Variants in NCOA1 observed in about 807,000 individuals in gnomAD.
NCOA1 encodes nuclear receptor coactivator 1, also known as Hin-2 protein.
A neutral mutation model predicts 150.9 loss-of-function variants in NCOA1; 35 were observed. The ratio of observed to expected loss-of-function variants is 0.23; its 90% CI spans 0.18 to 0.31. The LOEUF (loss-of-function observed/expected upper bound fraction) is 0.31, where lower values mean the gene tolerates loss of function less well. Ranked by LOEUF, NCOA1 falls within the 10% of genes least tolerant of loss-of-function variation. The probability of loss-of-function intolerance (pLI) is 1.00; values close to 1 mark genes in which losing one functional copy is unlikely to be tolerated. For synonymous variants in NCOA1, 590 were observed against 630.0 expected (o/e 0.94, Z 0.95); for missense variants, 1,491 against 1,749.3 (o/e 0.85, Z 2.63).
At chr2:24,602,613 TAAATA>T (rs1457713879) in intron 3 of NCOA1, among the ~76,000 whole-genome samples, 1 of 151,090 alleles carries the variant, frequency 6.6e-6, no homozygotes, top group African/African-American at 2.5e-5. Context: ...TTTTGGCTAA[TAAATA>T]AGTAAGGTTA....
At chr2:24,588,974 T>A (rs551469674) in intron 3 of NCOA1, among the ~76,000 whole-genome samples, 4 of 152,318 alleles carry the variant, frequency 2.6e-5, no homozygotes, top group East Asian at 1.9e-4. Flanking sequence ...AGTACCAGAC[T>A]TACTCCCATC....
At chr2:24,752,621 G>A (rs1259545367) in intron 20 of NCOA1, among the ~76,000 whole-genome samples, 1 of 152,086 alleles carries the variant, frequency 6.6e-6, no homozygotes, top group Non-Finnish European at 1.5e-5. Context: ...GCTTCCCTGG[G>A]ACAGACATAG....
intron 2 of NCOA1, among the ~76,000 whole-genome samples, chr2:24,568,641 G>T (rs939657221): frequency 7.9e-5 from 12 of 152,162 alleles, no homozygotes; most frequent in African/African-American, 2.7e-4. Context: ...TCATTCAGAG[G>T]TATCTTTTTC....
intron 1 of NCOA1, among the ~76,000 whole-genome samples, chr2:24,504,026 C>T (rs563834920): frequency 1.3e-5 from 2 of 152,082 alleles, no homozygotes; most frequent in South Asian, 2.1e-4. Context: ...TGAGCCACTG[C>T]GCCTGGCTAC....
At chr2:24,636,087 T>C (rs867308338) in intron 3 of NCOA1, among the ~76,000 whole-genome samples, 3 of 152,282 alleles carry the variant, frequency 2.0e-5, no homozygotes, top group Non-Finnish European at 1.5e-5. Flanking sequence ...ATTACAAATG[T>C]ATTGTTAAAA....
chr2:24,719,691 G>A (rs1197292060), intron 14 of NCOA1, among the ~76,000 whole-genome samples: 1 of 152,138 alleles, frequency 6.6e-6, no homozygotes, highest in Non-Finnish European at 1.5e-5. Context: ...GATCTGAAAG[G>A]AAGCCCAGGA....
chr2:24,727,364 CT>C (rs1265056747), intron 15 of NCOA1, among the ~76,000 whole-genome samples: 1 of 152,070 alleles, frequency 6.6e-6, no homozygotes, highest in Non-Finnish European at 1.5e-5. Context: ...TTATATTGCT[CT>C]TGAACTTTTA....
intron 3 of NCOA1, among the ~76,000 whole-genome samples, chr2:24,619,996 C>A (rs915420034): frequency 6.6e-6 from 1 of 152,104 alleles, no homozygotes; most frequent in Non-Finnish European, 1.5e-5. Flanking sequence ...CTCTTCCTGA[C>A]CTTCTCTCCC....
At chr2:24,526,732 A>G (rs1231490216) in intron 1 of NCOA1, among the ~76,000 whole-genome samples, 1 of 151,030 alleles carries the variant, frequency 6.6e-6, no homozygotes, top group Non-Finnish European at 1.5e-5. Context: ...AAAAATTAAT[A>G]AATTCTGTTG....
intron 7 of NCOA1, among the ~76,000 whole-genome samples, chr2:24,674,123 A>ATGTGTGTGTGTGTGTGTGTGTGTGTGTG (rs146841550): frequency 1.4e-5 from 2 of 145,500 alleles, no homozygotes; most frequent in Non-Finnish European, 1.5e-5. Flanking sequence ...ATATGTATGT[A>ATGTGTGTGTGTGTGTGTGTGTGTGTGTG]TGTGTGTGTG....
rs1267271343 is a variant in NCOA1 at position 24,707,195 on chromosome 2, A to C, written c.1725A>C (p.Ile575=). 1 of 1,614,200 alleles carries C rather than the reference A, an allele frequency of 6.2e-7. No homozygotes were observed. The highest frequency in any genetic ancestry group is 2.2e-5 in the East Asian group (1 of 44,886). The change falls in exon 13 of 23, where the codon ATA becomes ATC. Residue 575 remains isoleucine, a synonymous_variant. Coordinates refer to ENST00000348332, the MANE Select transcript of NCOA1 (RefSeq NM_003743.5). ...SSQNSPSRLN[I]QPAKAESKDN... is the part of the protein sequence containing the mutation. ...AGAATTCACCTAGCAGATTAAATATACAACCAGCAAAAGCTGAGTCCAAAG... is the reference window on the plus strand; with the variant it reads ...AGAATTCACCTAGCAGATTAAATATCCAACCAGCAAAAGCTGAGTCCAAAG...
At chr2:24,621,517 A>AGT (rs1353429625) in intron 3 of NCOA1, among the ~76,000 whole-genome samples, 2 of 123,292 alleles carry the variant, frequency 1.6e-5, no homozygotes, top group Non-Finnish European at 3.1e-5. Flanking sequence ...TCAAGGCTGG[A>AGT]GTGCAATGGT....
intron 1 of NCOA1, among the ~76,000 whole-genome samples, chr2:24,548,689 A>G (rs754931408): frequency 2.0e-5 from 3 of 152,190 alleles, no homozygotes; most frequent in Non-Finnish European, 2.9e-5. Flanking sequence ...GGCCAAAACA[A>G]AGGGGCTACA....
At chr2:24,547,528 A>C (rs941586132) in intron 1 of NCOA1, among the ~76,000 whole-genome samples, 5 of 152,220 alleles carry the variant, frequency 3.3e-5, no homozygotes, top group African/African-American at 1.2e-4. Context: ...TGTAGAGCAC[A>C]GTTTAGCAAA....
intron 12 of NCOA1, among the ~76,000 whole-genome samples, chr2:24,705,606 G>A (rs1443411426): frequency 6.6e-6 from 1 of 152,038 alleles, no homozygotes; most frequent in East Asian, 1.9e-4. Context: ...CATACTTGGT[G>A]GCTCCTGAGT....
At position 24,519,224 on chromosome 2, in the gene NCOA1, C is replaced by T. The variant is rs929887968; in HGVS notation, c.-396+27622C>T. On this transcript the variant is annotated intron_variant, in intron 1 of 22. Transcript: ENST00000348332. ...ATACAATGAAATATTATAATTCAAT[C>T]ATAAAAAGGAATGAAATACTGATAC... is the stretch of plus-strand genomic sequence containing the variant. Among the ~76,000 whole-genome samples, 23 of 152,012 alleles carry T rather than the reference C, an allele frequency of 1.5e-4. No homozygotes were observed. In the East Asian group the frequency reaches 3.9e-3, roughly 25 times the overall value.
chr2:24,733,242 A>G (rs1384029316), intron 17 of NCOA1, among the ~76,000 whole-genome samples: 1 of 152,198 alleles, frequency 6.6e-6, no homozygotes, highest in Non-Finnish European at 1.5e-5. Context: ...CTGAGGTAGT[A>G]TTAATATATC....
In NCOA1 at chr2:24,728,343, G is replaced by A. The variant is rs761846908; in HGVS notation, c.2753G>A (p.Cys918Tyr). The A allele has an allele frequency of 9.9e-6, 16 of 1,613,090 alleles. No individual in the cohort carries two copies. The East Asian group carries it at 3.3e-4, about 34-fold the overall frequency. Residue 918 changes from cysteine to tyrosine, a missense_variant, in exon 16 of 23, where the codon TGT (cysteine) becomes TAT (tyrosine). By Grantham distance (194) the Cys-to-Tyr change is radical. Around this residue, in one of 8 missense-constraint regions of NCOA1, gnomAD observed 703 missense variants for 717.7 expected, o/e 0.98. Transcript: ENST00000348332. The part of the protein sequence containing the change: ...CISSQLDELL[C>Y]PPTTVEGRND... ...AGCTCACAATTAGATGAGCTTCTCT[G>A]TCCACCCACAACAGTAGAAGGGAGA... is the stretch of plus-strand genomic sequence containing the variant.
chr2:24,503,607 T>C (rs1391100834), intron 1 of NCOA1, among the ~76,000 whole-genome samples: 1 of 152,176 alleles, frequency 6.6e-6, no homozygotes, highest in Non-Finnish European at 1.5e-5. Flanking sequence ...AATTTAAAAA[T>C]AATATACAAT....
Sources: allele counts gnomAD v4.1 joint callset (sites outside exome capture counted in the v4.1 genomes callset), GRCh38; gene constraint gnomAD v4.1.1; regional missense constraint gnomAD v4.1.1; transcripts MANE v1.5; gene names NCBI Gene and HGNC (gene_info 2026-07-23, HGNC 2026-07-21).